Variants in GLIS3 observed in about 807,000 individuals in gnomAD.
GLIS3 encodes GLIS family zinc finger 3.
In GLIS3, 53 loss-of-function variants were observed where a neutral mutation model predicts 78.6. The observed-to-expected ratio is 0.67, with a 90% CI of 0.54 to 0.85. GLIS3 has a LOEUF of 0.85. Ranked by LOEUF, GLIS3 falls within the 40% of genes least tolerant of loss-of-function variation. The pLI is 0.00. For missense variants in GLIS3, 1,703 were observed against 1,231.1 expected (o/e 1.38, Z -5.74); for synonymous variants, 684 against 509.9 (o/e 1.34, Z -4.60).
chr9:3,963,413 T>C (rs1817712259), intron 4 of GLIS3, among the ~76,000 whole-genome samples: 1 of 152,196 alleles, frequency 6.6e-6, no homozygotes, highest in Non-Finnish European at 1.5e-5. Context: ...GCTGGAGATG[T>C]GCCGCTTGTT....
At chr9:3,931,007 CTT>C (rs1228511668) in intron 6 of GLIS3, among the ~76,000 whole-genome samples, 2 of 152,140 alleles carry the variant, frequency 1.3e-5, no homozygotes, top group Admixed American at 1.3e-4. Context: ...TATTAATTAA[CTT>C]AGCAGTTCCT....
chr9:4,247,148 C>G (rs1040500261), intron 2 of GLIS3, among the ~76,000 whole-genome samples: 1 of 152,198 alleles, frequency 6.6e-6, no homozygotes, highest in Non-Finnish European at 1.5e-5. Flanking sequence ...CAGACTCCCT[C>G]TGCCATTCGT....
chr9:4,073,489 C>T (rs1303250577), intron 4 of GLIS3, among the ~76,000 whole-genome samples: 1 of 152,136 alleles, frequency 6.6e-6, no homozygotes, highest in Non-Finnish European at 1.5e-5. Flanking sequence ...ATCTCCACGC[C>T]CAGGCTTAGA....
intron 2 of GLIS3, among the ~76,000 whole-genome samples, chr9:4,204,311 A>T (rs10733507): frequency 0.73 from 110,514 of 151,950 alleles, 40,706 homozygotes; most frequent in East Asian, 0.97. Flanking sequence ...CCTTCTAGAA[A>T]ATATTTGGCT....
chr9:4,081,261 C>T (rs1828533038), intron 4 of GLIS3: 1 of 152,288 alleles, frequency 6.6e-6, no homozygotes, highest in Non-Finnish European at 1.5e-5. Context: ...CATCTGGACC[C>T]TCCTAGCCAG....
At chr9:4,109,085 C>G (rs987798334) in intron 4 of GLIS3, among the ~76,000 whole-genome samples, 1 of 152,054 alleles carries the variant, frequency 6.6e-6, no homozygotes, top group South Asian at 2.1e-4. Context: ...AATTTGTTCT[C>G]CTCTAAACAG....
intron 2 of GLIS3, among the ~76,000 whole-genome samples, chr9:4,336,165 C>A (rs1269431774): frequency 6.6e-6 from 1 of 152,254 alleles, no homozygotes; most frequent in South Asian, 2.1e-4. Context: ...CTCTAGCCCA[C>A]TGCCAACTCT....
intron 4 of GLIS3, among the ~76,000 whole-genome samples, chr9:4,093,028 T>C (rs965111959): frequency 5.3e-5 from 8 of 152,172 alleles, no homozygotes; most frequent in Admixed American, 3.9e-4. Context: ...TCCTTTATAA[T>C]CTTATGGGGC....
chr9:4,341,481 G>A (rs887658169), intron 2 of GLIS3, among the ~76,000 whole-genome samples: 1 of 152,218 alleles, frequency 6.6e-6, no homozygotes, highest in Non-Finnish European at 1.5e-5. Flanking sequence ...CTGATCTCCA[G>A]TAGATCCTTA....
the GLIS3 span, among the ~76,000 whole-genome samples, chr9:4,357,628 A>C: frequency 6.6e-6 from 1 of 151,728 alleles, no homozygotes; most frequent in Admixed American, 6.6e-5. Context: ...TTTCTCTAGA[A>C]AACTCCTCAA....
At chr9:4,027,208 T>C (rs529454235) in intron 4 of GLIS3, among the ~76,000 whole-genome samples, 13 of 152,342 alleles carry the variant, frequency 8.5e-5, no homozygotes, top group African/African-American at 3.1e-4. Context: ...TACACATTTA[T>C]TTAACTGAAC....
intron 4 of GLIS3, among the ~76,000 whole-genome samples, chr9:3,967,993 T>A (rs1184434135): frequency 6.6e-6 from 1 of 152,240 alleles, no homozygotes; most frequent in Admixed American, 6.5e-5. Context: ...AAACTGGAAT[T>A]ACATTTTCCA....
chr9:4,463,310 T>C, the GLIS3 span, among the ~76,000 whole-genome samples: 4 of 152,212 alleles, frequency 2.6e-5, no homozygotes, highest in Non-Finnish European at 2.9e-5. Context: ...ATTAAGCTGA[T>C]AGAGTAAGAA....
intron 2 of GLIS3, among the ~76,000 whole-genome samples, chr9:4,280,964 A>G (rs1013353867): frequency 3.3e-5 from 5 of 152,196 alleles, no homozygotes; most frequent in Non-Finnish European, 5.9e-5. Flanking sequence ...TAGCATGCTC[A>G]GTGTTTCAGT....
intron 8 of GLIS3, among the ~76,000 whole-genome samples, chr9:3,877,626 C>T (rs533125749): frequency 1.3e-5 from 2 of 152,298 alleles, no homozygotes; most frequent in African/African-American, 4.8e-5. Flanking sequence ...ATGACACAAT[C>T]TTGGTATCTA....
At chr9:4,229,311 A>AT (rs1822052392) in intron 2 of GLIS3, among the ~76,000 whole-genome samples, 1 of 152,234 alleles carries the variant, frequency 6.6e-6, no homozygotes, top group South Asian at 2.1e-4. Context: ...TTTAAGAATA[A>AT]TTGTTTTAAA....
chr9:4,206,168 G>C (rs1380977400), intron 2 of GLIS3, among the ~76,000 whole-genome samples: 1 of 152,088 alleles, frequency 6.6e-6, no homozygotes, highest in Non-Finnish European at 1.5e-5. Flanking sequence ...ATCTATAACA[G>C]AACTATCTGG....
chr9:4,225,204 T>A (rs1028283727), intron 2 of GLIS3, among the ~76,000 whole-genome samples: 1 of 152,156 alleles, frequency 6.6e-6, no homozygotes, highest in Non-Finnish European at 1.5e-5. Context: ...CTTCTAAGTC[T>A]TGCATTTTCC....
At chr9:3,918,007 G>T (rs1824635419) in intron 6 of GLIS3, among the ~76,000 whole-genome samples, 1 of 152,210 alleles carries the variant, frequency 6.6e-6, no homozygotes, top group Non-Finnish European at 1.5e-5. Flanking sequence ...GGGTGGTAAG[G>T]AACGTCTATC....
Sources: gnomAD v4.1 joint callset for allele counts (sites outside exome capture counted in the v4.1 genomes callset) on GRCh38, gnomAD v4.1.1 for gene constraint, MANE v1.5 for transcripts, NCBI Gene and HGNC (gene_info 2026-07-23, HGNC 2026-07-21) for gene names.